The following FCRL1 variants were observed in gnomAD, a reference collection of about 807,000 sequenced individuals.
FCRL1 encodes Fc receptor like 1.
FCRL1 carries 34 observed loss-of-function variants against 49.2 expected under a neutral mutation model. The observed-to-expected ratio is 0.69, with a 90% CI of 0.53 to 0.92. The LOEUF (loss-of-function observed/expected upper bound fraction) is 0.92, where lower values mean the gene tolerates loss of function less well. Ranked by LOEUF, FCRL1 falls within the 40% of genes least tolerant of loss-of-function variation. The probability of loss-of-function intolerance (pLI) is 0.00; values close to 1 mark genes in which losing one functional copy is unlikely to be tolerated. For missense variants in FCRL1, 524 were observed against 524.1 expected, an observed-to-expected ratio of 1.00 and a Z score of 0.00; for synonymous variants, 218 against 201.6, an observed-to-expected ratio of 1.08 and a Z score of -0.69.
At chr1:157,812,950 C>T (rs1195281694) in intron 1 of FCRL1, among the ~76,000 whole-genome samples, 1 of 152,142 alleles carries the variant, frequency 6.6e-6, no homozygotes, top group Non-Finnish European at 1.5e-5. Context: ...CTCACAAACT[C>T]CTACAGCCTA....
intron 10 of FCRL1, 103 bp downstream of exon 10, chr1:157,796,998 A>G (rs2101808874): frequency 9.2e-7 from 1 of 1,086,014 alleles, no homozygotes; most frequent in Non-Finnish European, 1.4e-6. Context: ...GAGGTAGACC[A>G]TGGGATTTTT....
chr1:157,816,699 C>A (rs1008736247), intron 1 of FCRL1, among the ~76,000 whole-genome samples: 9 of 151,636 alleles, frequency 5.9e-5, no homozygotes, highest in African/African-American at 1.9e-4. Context: ...ACTCTAAAGA[C>A]CCCACCAACA....
rs113166791 is a variant in FCRL1, at chr1:157,795,939, C to T, written c.*160G>A. On this transcript the variant is annotated 3_prime_UTR_variant, in exon 11 of 11. Transcript: ENST00000368176. ...CTCCTAGGTAGTTTCTTCAGGGCTG[C>T]GCCAACTTCACTTCACAGTAGATGA... is the stretch of plus-strand genomic sequence containing the variant. 1.3e-4 allele frequency: 85 copies of T among 631,860 alleles called. No individual in the cohort carries two copies. The highest frequency in any genetic ancestry group is 4.1e-4 in the Admixed American group (15 of 36,964). The allele number at this position is 631,860 out of a possible 1,614,324, so 39.1% of individuals were successfully genotyped here.
At chr1:157,804,708 G>C (rs1653119510) in intron 2 of FCRL1, among the ~76,000 whole-genome samples, 1 of 152,134 alleles carries the variant, frequency 6.6e-6, no homozygotes, top group African/African-American at 2.4e-5. Context: ...AAGAAATGGG[G>C]TGTATTTGCT....
At chr1:157,810,806 T>A (rs552011469) in intron 1 of FCRL1, among the ~76,000 whole-genome samples, 2 of 152,310 alleles carry the variant, frequency 1.3e-5, no homozygotes, top group East Asian at 3.9e-4. Flanking sequence ...TTTACTTTTT[T>A]GAGACAGGAT....
At position 157,796,061 on chromosome 1, in the gene FCRL1, T is replaced by A. The variant is rs1200050824; in HGVS notation, c.*38A>T. ...AACATATCAGGCCTGAGGCTTGGGG[T>A]CATGGATGGTTTTCAAAGAGCAGAA... On this transcript the variant is annotated 3_prime_UTR_variant, in exon 11 of 11. Coordinates refer to ENST00000368176, the MANE Select transcript of FCRL1 (RefSeq NM_052938.5). 1.3e-6 allele frequency: 2 copies of A among 1,560,648 alleles called. No individual in the cohort carries two copies. The highest frequency in any genetic ancestry group is 1.8e-6 in the Non-Finnish European group (2 of 1,131,266).
intron 1 of FCRL1, among the ~76,000 whole-genome samples, chr1:157,810,321 G>A (rs1654126800): frequency 6.7e-6 from 1 of 148,692 alleles, no homozygotes; most frequent in Non-Finnish European, 1.5e-5. Flanking sequence ...TTTTAAGACA[G>A]AGTCTCTTTC....
In FCRL1 at chr1:157,800,048, C is replaced by T; in HGVS notation, c.1031+10G>A. ...GCATTATTGACACCTATAGTGAAAA[C>T]AGGCCTCACCTGAGTGGATCCCTGG... On this transcript the variant is annotated intron_variant, in intron 7 of 10. Coordinates refer to ENST00000368176, the MANE Select transcript of FCRL1 (RefSeq NM_052938.5). 1 of 1,611,464 alleles carries T rather than the reference C, an allele frequency of 6.2e-7. No individual in the cohort carries two copies. The highest frequency in any genetic ancestry group is 1.1e-5 in the South Asian group (1 of 90,716).
chr1:157,810,029 CA>C (rs1654076596), intron 1 of FCRL1, among the ~76,000 whole-genome samples: 3 of 152,110 alleles, frequency 2.0e-5, no homozygotes, highest in African/African-American at 7.2e-5. Flanking sequence ...AAAAGTGTTT[CA>C]AAAAATAAAG....
At chr1:157,801,849 GC>G in intron 5 of FCRL1, 65 bp downstream of exon 5, 1 of 1,545,446 alleles carries the variant, frequency 6.5e-7, no homozygotes, top group East Asian at 2.3e-5. Context: ...AGTGGCACCA[GC>G]AAAACTCTCC....
At chr1:157,814,142 G>A (rs1654720174) in intron 1 of FCRL1, among the ~76,000 whole-genome samples, 1 of 152,138 alleles carries the variant, frequency 6.6e-6, no homozygotes, top group Non-Finnish European at 1.5e-5. Flanking sequence ...ACATGTGAAA[G>A]TGTACAATTA....
chr1:157,800,204 G>T (rs925749829), intron 6 of FCRL1, 119 bp from the exon 7 acceptor site: 2 of 766,450 alleles, frequency 2.6e-6, no homozygotes, highest in African/African-American at 1.7e-5. Context: ...CATTGTGGGT[G>T]CCACTGTGTG....
chr1:157,807,711 C>G (rs1006993497), intron 1 of FCRL1, among the ~76,000 whole-genome samples: 3 of 152,156 alleles, frequency 2.0e-5, no homozygotes, highest in African/African-American at 7.2e-5. Flanking sequence ...CTCTTCTATC[C>G]CAAGGACTTG....
At chr1:157,797,532 A>G in intron 9 of FCRL1, 1 of 596,904 alleles carries the variant, frequency 1.7e-6, no homozygotes. Flanking sequence ...CATAAAATGT[A>G]GGCCATACAA....
chr1:157,796,987 A>C (rs1651592648), intron 10 of FCRL1, 114 bp downstream of exon 10: 3 of 924,384 alleles, frequency 3.2e-6, no homozygotes, highest in Non-Finnish European at 5.2e-6. Context: ...GATGTAGGGA[A>C]GAGGTAGACC....
rs777745099 is a variant in FCRL1, at chr1:157,797,860, T to G, written c.1186+8A>C. The G allele has an allele frequency of 6.2e-7, 1 of 1,614,176 alleles. No homozygotes were observed. Among genetic ancestry groups the G allele is most frequent in the South Asian group, 1.1e-5 (1 of 91,080 alleles). ...AGTCAGAGACAAATTTACTCCCCCA[T>G]GTCTCACCTGCTACTGATTCCTGCT... On this transcript the variant is annotated splice_region_variant and intron_variant, in intron 9 of 10. Transcript: ENST00000368176.
At chr1:157,807,739 C>T (rs889190488) in intron 1 of FCRL1, among the ~76,000 whole-genome samples, 2 of 152,120 alleles carry the variant, frequency 1.3e-5, no homozygotes, top group African/African-American at 2.4e-5. Context: ...TATTATGGCT[C>T]AATGATCAAG....
chr1:157,806,264 T>C (rs900839559), intron 2 of FCRL1, among the ~76,000 whole-genome samples: 7 of 152,188 alleles, frequency 4.6e-5, no homozygotes, highest in Non-Finnish European at 1.0e-4. Context: ...CCTGAATCTC[T>C]CTGAATCTTT....
chr1:157,800,148 T>C, intron 6 of FCRL1, 63 bp from the exon 7 acceptor site: 3 of 1,538,276 alleles, frequency 2.0e-6, no homozygotes, highest in African/African-American at 1.4e-5. Context: ...GCACTGTCAG[T>C]GTTTTCATAC....
Sources: allele counts gnomAD v4.1 joint callset (sites outside exome capture counted in the v4.1 genomes callset), GRCh38; gene constraint gnomAD v4.1.1; transcripts MANE v1.5; gene names NCBI Gene and HGNC (gene_info 2026-07-23, HGNC 2026-07-21).